SLFN12: variants seen among roughly 807,000 people sequenced by gnomAD.
SLFN12 encodes the protein ribonuclease SLFN12.
In SLFN12, 25 loss-of-function variants were observed where a neutral mutation model predicts 29.1. That is an observed-to-expected ratio of 0.86 (90% CI 0.63 to 1.20). SLFN12 has a LOEUF of 1.20. SLFN12 is among the 50% of genes most tolerant of loss of function. The pLI, the probability that SLFN12 is intolerant of heterozygous loss-of-function variation, is 0.00. For synonymous variants in SLFN12, 257 were observed against 238.7 expected (o/e 1.08, Z -0.71); for missense variants, 660 against 666.2 (o/e 0.99, Z 0.10).
At chr17:35,417,957 T>C (rs918722945) in intron 3 of SLFN12, among the ~76,000 whole-genome samples, 4 of 151,984 alleles carry the variant, frequency 2.6e-5, no homozygotes, top group African/African-American at 9.7e-5. Context: ...TATAAAGGCA[T>C]TAAAGAAGAT....
At position 35,422,437 on chromosome 17, in the gene SLFN12, A is replaced by G. The variant is rs1203082920; in HGVS notation, c.592T>C (p.Phe198Leu). 1.2e-6 allele frequency: 2 copies of G among 1,612,684 alleles called. No individual in the cohort carries two copies. The highest frequency in any genetic ancestry group is 1.7e-6 in the Non-Finnish European group (2 of 1,179,726). Residue 198 changes from phenylalanine (F) to leucine (L), a missense_variant, in exon 2 of 4, where the codon TTT becomes CTT. Coordinates refer to ENST00000304905, the MANE Select transcript of SLFN12 (RefSeq NM_018042.5). Reference protein sequence around the residue: ...TELDRKEKLTFTESTHVEIKN... With the variant: ...TELDRKEKLTLTESTHVEIKN... ...ATTTCAACATGTGTGGATTCAGTAAAGGTCAATTTTTCTTTCCGATCAAGT... is the reference window on the plus strand; with the variant it reads ...ATTTCAACATGTGTGGATTCAGTAAGGGTCAATTTTTCTTTCCGATCAAGT...
intron 2 of SLFN12, among the ~76,000 whole-genome samples, chr17:35,421,702 G>A (rs1911663677): frequency 6.6e-6 from 1 of 151,862 alleles, no homozygotes; most frequent in South Asian, 2.1e-4. Context: ...ATCACACCCA[G>A]CTAATTTTTT....
chr17:35,420,551 A>T (rs974008016), intron 2 of SLFN12, 170 bp from the exon 3 acceptor site: 23 of 485,598 alleles, frequency 4.7e-5, no homozygotes, highest in Non-Finnish European at 8.0e-5. Flanking sequence ...TTGCAAAATT[A>T]ACTTTTGATG....
intron 3 of SLFN12, among the ~76,000 whole-genome samples, chr17:35,415,332 T>C (rs1206685492): frequency 6.6e-6 from 1 of 151,942 alleles, no homozygotes; most frequent in African/African-American, 2.4e-5. Flanking sequence ...TAAAACCAGA[T>C]CCTCATCTCT....
intron 2 of SLFN12, 114 bp downstream of exon 2, chr17:35,421,876 A>T: frequency 7.4e-7 from 1 of 1,349,624 alleles, no homozygotes; most frequent in South Asian, 1.5e-5. Flanking sequence ...ACCAGGGATT[A>T]ATAGTTTAGG....
intron 1 of SLFN12, 133 bp from the exon 2 acceptor site, chr17:35,423,201 G>C: frequency 1.0e-6 from 1 of 990,230 alleles, no homozygotes; most frequent in East Asian, 2.8e-5. Flanking sequence ...GATATGAAGA[G>C]ACTGGCAAAT....
At chr17:35,415,766 C>T (rs1567844955) in intron 3 of SLFN12, among the ~76,000 whole-genome samples, 2 of 152,116 alleles carry the variant, frequency 1.3e-5, no homozygotes, top group African/African-American at 2.4e-5. Flanking sequence ...ATATGCTCAA[C>T]ATCACTAATG....
intron 3 of SLFN12, among the ~76,000 whole-genome samples, chr17:35,413,755 A>C (rs941214987): frequency 6.6e-6 from 1 of 151,792 alleles, no homozygotes; most frequent in Non-Finnish European, 1.5e-5. Context: ...GTCTCAAAAA[A>C]AAAAAAAAAG....
At chr17:35,416,464 G>A (rs995091108) in intron 3 of SLFN12, among the ~76,000 whole-genome samples, 9 of 152,050 alleles carry the variant, frequency 5.9e-5, no homozygotes, top group African/African-American at 1.7e-4. Flanking sequence ...ACTTATTCAT[G>A]TAACCATAAA....
chr17:35,412,793 TGTA>T (rs1363840570), intron 3 of SLFN12, among the ~76,000 whole-genome samples: 1 of 151,902 alleles, frequency 6.6e-6, no homozygotes, highest in Admixed American at 6.5e-5. Context: ...CTTCAGATAT[TGTA>T]GTTATCAAAG....
intron 1 of SLFN12, among the ~76,000 whole-genome samples, chr17:35,424,033 C>G (rs1249686554): frequency 6.6e-6 from 1 of 152,106 alleles, no homozygotes; most frequent in African/African-American, 2.4e-5. Flanking sequence ...TTTGTTATGG[C>G]GGCCTAAACA....
intron 2 of SLFN12, 27 bp downstream of exon 2, chr17:35,421,963 T>G: frequency 6.2e-7 from 1 of 1,602,860 alleles, no homozygotes; most frequent in Non-Finnish European, 8.5e-7. Context: ...CCAAATGCAT[T>G]CCTGTTGCGA....
Position 35,411,512 on chromosome 17 carries a change from G to A in SLFN12, c.1563C>T (p.Ser521=). The change falls in exon 4 of 4, where the codon TCC becomes TCT. Residue 521 remains serine, a synonymous_variant. Coordinates refer to ENST00000304905, the MANE Select transcript of SLFN12 (RefSeq NM_018042.5). ...AGTATTTCCTTCTTGTAAAATAGTA[G>A]GATTCAGGGTAAATTACTTGCGACC... The part of the protein sequence containing the change: ...DLRSQVIYPE[S]YYFTRRKYLL... 1 of 1,613,998 alleles carries A rather than the reference G, an allele frequency of 6.2e-7. No individual in the cohort carries two copies. Among genetic ancestry groups the A allele is most frequent in the Non-Finnish European group, 8.5e-7 (1 of 1,179,994 alleles).
chr17:35,414,005 A>G (rs758228113), intron 3 of SLFN12, among the ~76,000 whole-genome samples: 1 of 152,082 alleles, frequency 6.6e-6, no homozygotes, highest in Non-Finnish European at 1.5e-5. Context: ...AAGACCATAT[A>G]TAAAAAACCT....
intron 1 of SLFN12, among the ~76,000 whole-genome samples, chr17:35,428,529 T>C (rs537112400): frequency 1.8e-4 from 27 of 152,224 alleles, no homozygotes; most frequent in African/African-American, 6.5e-4. Context: ...CCTCAGTGTT[T>C]CCTGAAAACT....
intron 1 of SLFN12, among the ~76,000 whole-genome samples, chr17:35,424,808 A>G (rs1047703005): frequency 6.6e-6 from 1 of 152,054 alleles, no homozygotes; most frequent in Non-Finnish European, 1.5e-5. Flanking sequence ...CTTTGAAGAT[A>G]CTTAAGACAG....
chr17:35,419,806 T>C (rs932410210), intron 3 of SLFN12, among the ~76,000 whole-genome samples: 11 of 152,126 alleles, frequency 7.2e-5, no homozygotes, highest in African/African-American at 1.9e-4. Context: ...ACATATGCAC[T>C]AGAAGACCGA....
chr17:35,414,092 T>C (rs899717322), intron 3 of SLFN12, among the ~76,000 whole-genome samples: 13 of 152,056 alleles, frequency 8.5e-5, no homozygotes, highest in African/African-American at 3.1e-4. Flanking sequence ...GGATGCCCAT[T>C]TCACCACTTC....
chr17:35,426,349 T>C (rs1287620003), intron 1 of SLFN12, among the ~76,000 whole-genome samples: 1 of 152,140 alleles, frequency 6.6e-6, no homozygotes, highest in Non-Finnish European at 1.5e-5. Context: ...GCCATTGGGA[T>C]GACATCCAAA....
Sources: gnomAD v4.1 joint callset for allele counts (sites outside exome capture counted in the v4.1 genomes callset) on GRCh38, gnomAD v4.1.1 for gene constraint, MANE v1.5 for transcripts, NCBI Gene and HGNC (gene_info 2026-07-23, HGNC 2026-07-21) for gene names.